Variants in UGGT2 observed in about 807,000 individuals in gnomAD.
UGGT2 encodes UDP-glucose glycoprotein glucosyltransferase 2.
Under a neutral mutation model 192.1 loss-of-function variants are expected in UGGT2, and 180 were observed. The ratio of observed to expected loss-of-function variants is 0.94; its 90% CI spans 0.83 to 1.06. The LOEUF (loss-of-function observed/expected upper bound fraction) is 1.06, where lower values mean the gene tolerates loss of function less well. UGGT2 is among the 50% of genes least tolerant of loss of function. UGGT2 has a pLI of 0.00. For synonymous variants in UGGT2, 580 were observed against 591.0 expected, an observed-to-expected ratio of 0.98 and a Z score of 0.27; for missense variants, 1,849 against 1,795.7, an observed-to-expected ratio of 1.03 and a Z score of -0.54.
intron 12 of UGGT2, among the ~76,000 whole-genome samples, chr13:95,950,344 A>G (rs994841120): frequency 6.6e-6 from 1 of 152,296 alleles, no homozygotes. Flanking sequence ...AGTACTATAT[A>G]GTACTATATA....
At chr13:96,038,208 T>C (rs947044270) in intron 1 of UGGT2, among the ~76,000 whole-genome samples, 2 of 152,190 alleles carry the variant, frequency 1.3e-5, no homozygotes, top group African/African-American at 4.8e-5. Flanking sequence ...TTTGTTGAAT[T>C]AGCATTACTG....
At chr13:95,853,699 G>A (rs746494611) in intron 35 of UGGT2, 42 bp from the exon 36 acceptor site, 6 of 1,389,742 alleles carry the variant, frequency 4.3e-6, no homozygotes, top group Admixed American at 2.5e-5. Flanking sequence ...TGTTGTTTAT[G>A]TAGTTTTAGT....
At chr13:95,901,195 T>C (rs2048095687) in intron 21 of UGGT2, among the ~76,000 whole-genome samples, 1 of 152,110 alleles carries the variant, frequency 6.6e-6, no homozygotes, top group African/African-American at 2.4e-5. Context: ...ACTACCAGAC[T>C]AGTAAATTAC....
intron 38 of UGGT2, among the ~76,000 whole-genome samples, chr13:95,814,386 G>A (rs1357335702): frequency 5.9e-5 from 9 of 152,342 alleles, no homozygotes; most frequent in South Asian, 2.1e-4. Flanking sequence ...GGGACATGGA[G>A]TCAAAGGAGA....
chr13:96,027,094 AAAAT>A (rs1342939615), intron 2 of UGGT2, among the ~76,000 whole-genome samples: 1 of 152,250 alleles, frequency 6.6e-6, no homozygotes, highest in East Asian at 1.9e-4. Context: ...AGCAAAATAG[AAAAT>A]AAATGTTATT....
intron 20 of UGGT2, among the ~76,000 whole-genome samples, chr13:95,919,576 A>G (rs1219156614): frequency 2.6e-5 from 4 of 151,464 alleles, no homozygotes; most frequent in Non-Finnish European, 3.0e-5. Flanking sequence ...ACCAACAACA[A>G]GTAGGCAGAG....
At chr13:95,881,768 A>G (rs2047502624) in intron 27 of UGGT2, among the ~76,000 whole-genome samples, 1 of 152,172 alleles carries the variant, frequency 6.6e-6, no homozygotes, top group African/African-American at 2.4e-5. Flanking sequence ...TGTAACCACC[A>G]TTGTTATTCC....
At chr13:95,971,161 G>A (rs1046293353) in intron 11 of UGGT2, among the ~76,000 whole-genome samples, 1 of 152,190 alleles carries the variant, frequency 6.6e-6, no homozygotes, top group Admixed American at 6.5e-5. Context: ...TGCAATGACT[G>A]AAAGGAGATA....
intron 21 of UGGT2, among the ~76,000 whole-genome samples, chr13:95,901,647 T>C (rs1302565896): frequency 2.6e-5 from 4 of 152,300 alleles, no homozygotes; most frequent in South Asian, 2.1e-4. Context: ...TTTTCCTGCA[T>C]TGTCCAATAT....
chr13:95,893,366 T>A (rs1214867727), intron 24 of UGGT2, among the ~76,000 whole-genome samples: 1 of 152,122 alleles, frequency 6.6e-6, no homozygotes, highest in Admixed American at 6.5e-5. Flanking sequence ...TACACACACA[T>A]CTCTCTAAAA....
At chr13:95,872,812 A>G (rs1221815263) in intron 29 of UGGT2, among the ~76,000 whole-genome samples, 3 of 152,218 alleles carry the variant, frequency 2.0e-5, no homozygotes, top group Non-Finnish European at 4.4e-5. Context: ...GATAAAATAG[A>G]ATCTAAATCA....
rs1217237448 is a variant in UGGT2 at position 96,052,482 on chromosome 13, A to T, written c.158+673T>A. The stretch of plus-strand genomic sequence containing the variant: ...ATAAACTATAGAAATGAAAAAAAAA[A>T]AGAACTTTTAGCATCAAATACATGA... On this transcript the variant is annotated intron_variant, in intron 1 of 38. Coordinates refer to ENST00000376747, the MANE Select transcript of UGGT2 (RefSeq NM_020121.4). Among the ~76,000 whole-genome samples the T allele has an allele frequency of 4.6e-5, 7 of 152,292 alleles. No homozygotes were observed. The South Asian group carries it at 1.5e-3, about 32-fold the overall frequency.
In UGGT2 at chr13:96,023,771, A is replaced by G; in HGVS notation, c.242-12T>C. On this transcript the variant is annotated splice_polypyrimidine_tract_variant and intron_variant, in intron 2 of 38. Transcript: ENST00000376747. ...AGAATAATCTGATTCTATAAAAAGAAGTCAAAAGAAAATAAATGTTAGCAT... is the reference window on the plus strand; with the variant it reads ...AGAATAATCTGATTCTATAAAAAGAGGTCAAAAGAAAATAAATGTTAGCAT... The G allele has an allele frequency of 6.3e-7, 1 of 1,576,660 alleles. No individual in the cohort carries two copies. Among genetic ancestry groups the G allele is most frequent in the Non-Finnish European group, 8.7e-7 (1 of 1,155,564 alleles).
rs2049988309 is a variant in UGGT2 at position 95,949,458 on chromosome 13, G to A, written c.1336-4C>T. 1 of 1,466,910 alleles carries A rather than the reference G, an allele frequency of 6.8e-7. No individual in the cohort carries two copies. 90.9% of individuals were successfully genotyped at this position (1,466,910 alleles called of 1,614,324 possible). On this transcript the variant is annotated splice_region_variant and splice_polypyrimidine_tract_variant and intron_variant, in intron 12 of 38. Coordinates refer to ENST00000376747, the MANE Select transcript of UGGT2 (RefSeq NM_020121.4). ...CATTTTCTAAGTCATTAATCCACTAGAAAAGAACGCAGACACTTGTGAAAG... is the reference window on the plus strand; with the variant it reads ...CATTTTCTAAGTCATTAATCCACTAAAAAAGAACGCAGACACTTGTGAAAG...
intron 38 of UGGT2, among the ~76,000 whole-genome samples, chr13:95,804,906 A>C (rs1350655334): frequency 3.3e-5 from 5 of 152,188 alleles, no homozygotes; most frequent in Admixed American, 6.5e-5. Flanking sequence ...TATGACACCA[A>C]AAATATAACA....
intron 22 of UGGT2, among the ~76,000 whole-genome samples, chr13:95,896,107 A>C (rs2047937200): frequency 6.6e-6 from 1 of 152,104 alleles, no homozygotes; most frequent in African/African-American, 2.4e-5. Context: ...TCCTATGTAC[A>C]AAACAATTAT....
chr13:96,022,661 GC>G (rs1464802392), intron 4 of UGGT2, among the ~76,000 whole-genome samples: 2 of 151,520 alleles, frequency 1.3e-5, no homozygotes, highest in African/African-American at 2.4e-5. Flanking sequence ...TTGCAAAAAA[GC>G]AAAAAAATAG....
At chr13:95,835,181 C>T (rs1404192175) in intron 37 of UGGT2, among the ~76,000 whole-genome samples, 1 of 152,122 alleles carries the variant, frequency 6.6e-6, no homozygotes, top group Non-Finnish European at 1.5e-5. Context: ...GCTCAACAGC[C>T]ACATAAGGCA....
chr13:96,023,301 A>G, intron 3 of UGGT2, 149 bp from the exon 4 acceptor site: 1 of 609,070 alleles, frequency 1.6e-6, no homozygotes, highest in South Asian at 6.3e-5. Context: ...ATACGTAGGT[A>G]GAATCTAAGA....
Sources: allele counts gnomAD v4.1 joint callset (sites outside exome capture counted in the v4.1 genomes callset), GRCh38; gene constraint gnomAD v4.1.1; transcripts MANE v1.5; gene names NCBI Gene and HGNC (gene_info 2026-07-23, HGNC 2026-07-21).